Variants in PTPRM observed in about 807,000 individuals in gnomAD.
PTPRM encodes the protein receptor-type tyrosine-protein phosphatase mu.
Under a neutral mutation model 186.7 loss-of-function variants are expected in PTPRM, and 47 were observed. The observed-to-expected ratio is 0.25, with a 90% CI of 0.20 to 0.32. PTPRM has a LOEUF of 0.32. PTPRM is among the 10% of genes least tolerant of loss of function. The pLI is 1.00. For missense variants in PTPRM, 1,494 were observed against 1,865.0 expected, an observed-to-expected ratio of 0.80 and a Z score of 3.66; for synonymous variants, 668 against 674.9, an observed-to-expected ratio of 0.99 and a Z score of 0.16.
chr18:7,764,154 G>A (rs948325836), intron 1 of PTPRM, among the ~76,000 whole-genome samples: 20 of 152,076 alleles, frequency 1.3e-4, no homozygotes, highest in African/African-American at 9.7e-5. Context: ...TCTGAGAGGT[G>A]TTTATGACTG....
intron 11 of PTPRM, among the ~76,000 whole-genome samples, chr18:8,102,466 C>T (rs1257359826): frequency 1.3e-5 from 2 of 152,230 alleles, no homozygotes; most frequent in Non-Finnish European, 2.9e-5. Context: ...GTTGTCATTT[C>T]AACAGTGGTC....
At position 7,619,378 on chromosome 18, in the gene PTPRM, T is replaced by C. The variant is rs2037882810; in HGVS notation, c.73+51487T>C. On this transcript the variant is annotated intron_variant, in intron 1 of 32. Transcript: ENST00000580170. ...ACTTTCACTTGGGATTGACTGGGCT[T>C]TGTAAAGCAACATTTCACTGGGGAC... Among the ~76,000 whole-genome samples the C allele has an allele frequency of 2.0e-5, 3 of 152,304 alleles. No homozygotes were observed. In the South Asian group the frequency reaches 6.2e-4, roughly 32 times the overall value.
At chr18:7,705,644 GT>G (rs959643462) in intron 1 of PTPRM, among the ~76,000 whole-genome samples, 4 of 151,794 alleles carry the variant, frequency 2.6e-5, no homozygotes, top group Admixed American at 6.6e-5. Context: ...TTGGTTCATA[GT>G]TTTTTTGTTG....
chr18:8,100,665 T>C (rs2091253599), intron 11 of PTPRM, among the ~76,000 whole-genome samples: 1 of 152,218 alleles, frequency 6.6e-6, no homozygotes, highest in South Asian at 2.1e-4. Context: ...TCTAAGTCTG[T>C]TCCTTCATTT....
intron 4 of PTPRM, among the ~76,000 whole-genome samples, chr18:7,912,741 G>C (rs915517509): frequency 6.6e-6 from 1 of 151,006 alleles, no homozygotes; most frequent in Non-Finnish European, 1.5e-5. Context: ...GGATGGTCTC[G>C]ATCTCGTGAC....
chr18:7,800,559 G>C (rs2145343467), intron 2 of PTPRM, among the ~76,000 whole-genome samples: 1 of 152,304 alleles, frequency 6.6e-6, no homozygotes, highest in Non-Finnish European at 1.5e-5. Flanking sequence ...CAGTTTGACA[G>C]GTTGGAGTAT....
At chr18:7,836,266 T>G (rs547265145) in intron 2 of PTPRM, among the ~76,000 whole-genome samples, 1 of 152,272 alleles carries the variant, frequency 6.6e-6, no homozygotes, top group African/African-American at 2.4e-5. Context: ...ACATTGTATG[T>G]TTTTTGATTT....
chr18:7,817,855 C>T (rs764109814), intron 2 of PTPRM, among the ~76,000 whole-genome samples: 11 of 152,158 alleles, frequency 7.2e-5, no homozygotes, highest in Admixed American at 2.0e-4. Context: ...TGCTGGTCTC[C>T]GCTTGGAGTA....
chr18:7,958,030 A>G (rs1056365754), intron 7 of PTPRM, among the ~76,000 whole-genome samples: 2 of 152,104 alleles, frequency 1.3e-5, no homozygotes, highest in African/African-American at 4.8e-5. Context: ...ATAAATCTAA[A>G]TCCTTCCTGT....
rs2042402593 is a variant in PTPRM at position 7,773,005 on chromosome 18, A to T, written c.74-1144A>T. Among the ~76,000 whole-genome samples the T allele has an allele frequency of 2.0e-5, 3 of 152,158 alleles. No individual in the cohort carries two copies. The South Asian group carries it at 6.2e-4, about 32-fold the overall frequency. On this transcript the variant is annotated intron_variant, in intron 1 of 32. Transcript: ENST00000580170. Reference sequence around the variant, plus strand: ...ATCTTATACTATAAAAAGTAACAGGAGGCATTCAAGAGGATATGAGATGGG... The same window carrying T: ...ATCTTATACTATAAAAAGTAACAGGTGGCATTCAAGAGGATATGAGATGGG...
At chr18:8,297,741 A>G (rs749443937) in intron 20 of PTPRM, among the ~76,000 whole-genome samples, 73 of 152,226 alleles carry the variant, frequency 4.8e-4, no homozygotes, top group Non-Finnish European at 4.7e-4. Flanking sequence ...AGTGGAGCTT[A>G]CATATGACAC....
At chr18:7,766,414 CAG>C (rs558943604) in intron 1 of PTPRM, among the ~76,000 whole-genome samples, 158 of 152,318 alleles carry the variant, frequency 1.0e-3, no homozygotes, top group African/African-American at 3.7e-3. Flanking sequence ...AGCCCAGGGG[CAG>C]AGACAGAGCT....
chr18:7,682,247 A>G (rs962547957), intron 1 of PTPRM, among the ~76,000 whole-genome samples: 1 of 152,206 alleles, frequency 6.6e-6, no homozygotes, highest in East Asian at 1.9e-4. Context: ...AGGATACCCC[A>G]CTAAGTATAA....
At chr18:8,371,116 A>G (rs1396364189) in intron 24 of PTPRM, 110 bp downstream of exon 24, 2 of 575,430 alleles carry the variant, frequency 3.5e-6, no homozygotes, top group Non-Finnish European at 3.0e-6. Flanking sequence ...CAATGCAGGT[A>G]GGCTCTATCT....
At chr18:7,931,163 A>C (rs528537735) in intron 5 of PTPRM, among the ~76,000 whole-genome samples, 1 of 152,330 alleles carries the variant, frequency 6.6e-6, no homozygotes, top group African/African-American at 2.4e-5. Context: ...ATTCATATAA[A>C]CATGGACTGC....
intron 1 of PTPRM, among the ~76,000 whole-genome samples, chr18:7,648,956 A>G (rs1447277605): frequency 2.0e-5 from 3 of 152,218 alleles, no homozygotes; most frequent in East Asian, 1.9e-4. Context: ...TAGGTCTTTC[A>G]TAAGTTGAGA....
intron 2 of PTPRM, among the ~76,000 whole-genome samples, chr18:7,872,958 T>A (rs1157224621): frequency 1.3e-5 from 2 of 152,220 alleles, no homozygotes; most frequent in Non-Finnish European, 2.9e-5. Flanking sequence ...TCTGGGCTTC[T>A]GAAGAGATCC....
chr18:8,280,807 G>A (rs570162247), intron 19 of PTPRM, among the ~76,000 whole-genome samples: 83 of 152,184 alleles, frequency 5.5e-4, no homozygotes, highest in African/African-American at 1.7e-3. Flanking sequence ...AAAGAATCCC[G>A]CAACCAGCAC....
At chr18:8,170,365 T>G (rs747412542) in intron 14 of PTPRM, among the ~76,000 whole-genome samples, 18 of 152,162 alleles carry the variant, frequency 1.2e-4, no homozygotes, top group Non-Finnish European at 1.5e-4. Context: ...TTATAGTCAG[T>G]TACAGTCCTT....
Sources: allele counts gnomAD v4.1 joint callset (sites outside exome capture counted in the v4.1 genomes callset), GRCh38; gene constraint gnomAD v4.1.1; transcripts MANE v1.5; gene names NCBI Gene and HGNC (gene_info 2026-07-23, HGNC 2026-07-21).